Variants in UBE2D3 observed in about 807,000 individuals in gnomAD.
UBE2D3 encodes the protein ubiquitin conjugating enzyme E2 D3, also known as ubiquitin-conjugating enzyme E2 D3.
Under a neutral mutation model 22.8 loss-of-function variants are expected in UBE2D3, and 2 were observed. That is an observed-to-expected ratio of 0.09 (90% confidence interval 0.04 to 0.28). UBE2D3 has a LOEUF of 0.28. UBE2D3 is among the 10% of genes least tolerant of loss of function. The pLI is 1.00. For synonymous variants in UBE2D3, 56 were observed against 60.4 expected (o/e 0.93, Z 0.34); for missense variants, 27 against 182.5 (o/e 0.15, Z 4.91).
intron 1 of UBE2D3, 33 bp from the exon 2 acceptor site, chr4:102,826,669 A>G (rs1320458120): frequency 1.3e-6 from 2 of 1,523,452 alleles, no homozygotes; most frequent in Non-Finnish European, 1.7e-6. Context: ...CAGCACTCGC[A>G]CAGGCCCCGA....
intron 1 of UBE2D3, among the ~76,000 whole-genome samples, chr4:102,839,236 A>G (rs889335194): frequency 9.9e-5 from 15 of 152,160 alleles, no homozygotes; most frequent in African/African-American, 3.6e-4. Flanking sequence ...TTTAAAATGT[A>G]AAAGAAAGAA....
In UBE2D3 at chr4:102,802,302, A is replaced by T. The variant is rs187371914; in HGVS notation, c.198+259T>A. The T allele has an allele frequency of 1.3e-3, 358 of 284,036 alleles. 2 individuals are homozygous for T. Among genetic ancestry groups the T allele is most frequent in the Admixed American group, 8.2e-3 (158 of 19,382 alleles). The allele number at this position is 284,036 out of a possible 1,614,324, so 17.6% of individuals were successfully genotyped here. A position where few individuals can be genotyped will look rare whatever the true frequency, so the allele number is the denominator to read the frequency against. On this transcript the variant is annotated intron_variant, in intron 5 of 7. Transcript: ENST00000453744. ...AAGCCCAAAAATCAGAATCTGTGTA[A>T]CAATAATACAGATGAGGGCGGAAGC...
At chr4:102,815,009 T>C (rs1728591359) in intron 2 of UBE2D3, among the ~76,000 whole-genome samples, 1 of 152,132 alleles carries the variant, frequency 6.6e-6, no homozygotes, top group South Asian at 2.1e-4. Context: ...TTACATTTAA[T>C]ATATGTTAAA....
At chr4:102,825,177 C>G (rs925338694) in intron 2 of UBE2D3, 1 of 930,688 alleles carries the variant, frequency 1.1e-6, no homozygotes, top group Non-Finnish European at 1.3e-6. Context: ...AAATTCTTGC[C>G]ATTCCTCTCA....
chr4:102,817,733 T>A (rs763235582), intron 2 of UBE2D3, among the ~76,000 whole-genome samples: 27 of 152,216 alleles, frequency 1.8e-4, no homozygotes, highest in Admixed American at 7.2e-4. Context: ...AGTCTGTATC[T>A]CATTATTCGT....
intron 1 of UBE2D3, among the ~76,000 whole-genome samples, chr4:102,836,297 C>T (rs1370627538): frequency 6.6e-6 from 1 of 151,912 alleles, no homozygotes; most frequent in Non-Finnish European, 1.5e-5. Context: ...TAGGCACTCG[C>T]CACCACGCCG....
chr4:102,825,627 T>A (rs1334665228), intron 2 of UBE2D3: 1 of 1,164,712 alleles, frequency 8.6e-7, no homozygotes, highest in Non-Finnish European at 1.1e-6. Flanking sequence ...AAAATCCTAG[T>A]TTTTTTTCAA....
chr4:102,828,792 G>A (rs1303379477), upstream of UBE2D3, among the ~76,000 whole-genome samples: 3 of 152,110 alleles, frequency 2.0e-5, no homozygotes, highest in Admixed American at 6.6e-5. Flanking sequence ...TTTAGTCAAG[G>A]GTTTAAAGTA....
At chr4:102,802,416 C>A in intron 5 of UBE2D3, 145 bp downstream of exon 5, 1 of 552,284 alleles carries the variant, frequency 1.8e-6, no homozygotes, top group East Asian at 3.2e-5. Flanking sequence ...GCTCTTTAAA[C>A]CAAAGGTTAA....
At chr4:102,837,812 C>T (rs62327264) in intron 1 of UBE2D3, among the ~76,000 whole-genome samples, 2 of 152,166 alleles carry the variant, frequency 1.3e-5, no homozygotes, top group East Asian at 1.9e-4. Context: ...ATTAGCCAGG[C>T]GTGGTGGCAG....
chr4:102,829,992 T>C (rs1444504298), upstream of UBE2D3, among the ~76,000 whole-genome samples: 1 of 152,222 alleles, frequency 6.6e-6, no homozygotes, highest in Non-Finnish European at 1.5e-5. Context: ...TAAAGGCAAG[T>C]GATTGTGTAA....
intron 1 of UBE2D3, among the ~76,000 whole-genome samples, chr4:102,866,758 A>G (rs775660327): frequency 1.1e-4 from 16 of 152,214 alleles, no homozygotes; most frequent in Admixed American, 2.0e-4. Flanking sequence ...TGTCAAGATG[A>G]CAGATCCTCT....
intron 7 of UBE2D3, among the ~76,000 whole-genome samples, chr4:102,798,101 C>A (rs886945165): frequency 7.3e-5 from 11 of 151,490 alleles, no homozygotes; most frequent in African/African-American, 2.7e-4. Flanking sequence ...CCACTGAGAC[C>A]TGTTGAGTAC....
chr4:102,845,722 T>A (rs1451617069), intron 1 of UBE2D3, among the ~76,000 whole-genome samples: 1 of 152,210 alleles, frequency 6.6e-6, no homozygotes, highest in Non-Finnish European at 1.5e-5. Flanking sequence ...GTCAAACTAC[T>A]CTGGTTAACG....
chr4:102,847,843 G>A (rs1732117577), intron 1 of UBE2D3, among the ~76,000 whole-genome samples: 1 of 151,852 alleles, frequency 6.6e-6, no homozygotes, highest in Admixed American at 6.6e-5. Context: ...ATGGGGTCTT[G>A]CAGTGTTGCC....
At position 102,842,408 on chromosome 4, in the gene UBE2D3, C is replaced by T. The variant is rs539528613; in HGVS notation, c.-128-15772G>A. Among the ~76,000 whole-genome samples, 161 of 151,902 alleles carry T rather than the reference C, an allele frequency of 1.1e-3. 2 individuals carry two copies. Among genetic ancestry groups the T allele is most frequent in the African/African-American group, 3.8e-3 (159 of 41,420 alleles). ...TCTACCAAAACAAAAAACAAACAAA[C>T]GCTGGGCATGGTGGTGCATGCCTGT... On this transcript the variant is annotated intron_variant, in intron 1 of 7. Coordinates refer to the UBE2D3 transcript ENST00000338145.
At chr4:102,868,663 A>T in intron 1 of UBE2D3, 1 of 1,613,440 alleles carries the variant, frequency 6.2e-7, no homozygotes, top group East Asian at 2.2e-5. Flanking sequence ...CCCAAACTGT[A>T]GGGGAAGAGG....
intron 1 of UBE2D3, among the ~76,000 whole-genome samples, chr4:102,857,065 T>C (rs952497732): frequency 6.6e-6 from 1 of 152,206 alleles, no homozygotes; most frequent in Non-Finnish European, 1.5e-5. Context: ...GTTAATAATG[T>C]AGCAGTACTG....
At chr4:102,819,490 C>T (rs1729250316) in intron 2 of UBE2D3, 12 of 904,978 alleles carry the variant, frequency 1.3e-5, no homozygotes, top group Non-Finnish European at 1.5e-5. Context: ...GGTTAACTTT[C>T]TTTCAATGAC....
Sources: allele counts gnomAD v4.1 joint callset (sites outside exome capture counted in the v4.1 genomes callset), GRCh38; gene constraint gnomAD v4.1.1; transcripts MANE v1.5; gene names NCBI Gene and HGNC (gene_info 2026-07-23, HGNC 2026-07-21).